Variants in AKAP9 observed in about 807,000 individuals in gnomAD.
AKAP9 encodes A-kinase anchoring protein 9.
AKAP9 carries 311 observed loss-of-function variants against 488.5 expected under a neutral mutation model. The observed-to-expected ratio is 0.64, with a 90% CI of 0.58 to 0.70. The LOEUF (loss-of-function observed/expected upper bound fraction) is 0.70, where lower values mean the gene tolerates loss of function less well. Among genes scored for constraint, AKAP9 ranks in the 30% least tolerant of loss-of-function variants. The probability of loss-of-function intolerance (pLI) is 0.00; values close to 1 mark genes in which losing one functional copy is unlikely to be tolerated. For synonymous variants in AKAP9, 1,462 were observed against 1,483.5 expected (o/e 0.99, Z 0.33); for missense variants, 4,215 against 4,374.5 (o/e 0.96, Z 1.03).
chr7:91,980,967 C>T (rs1427021167), intron 3 of AKAP9, among the ~76,000 whole-genome samples: 2 of 151,968 alleles, frequency 1.3e-5, no homozygotes. Flanking sequence ...CAGTAAGTCT[C>T]AATTTATTGT....
chr7:92,109,694 T>C (rs919054755), intron 49 of AKAP9, among the ~76,000 whole-genome samples: 3 of 152,194 alleles, frequency 2.0e-5, no homozygotes. Flanking sequence ...TCCCAGCACT[T>C]TGGGCGGCCG....
intron 1 of AKAP9, among the ~76,000 whole-genome samples, chr7:91,965,626 G>A (rs980201042): frequency 6.6e-6 from 1 of 152,118 alleles, no homozygotes; most frequent in African/African-American, 2.4e-5. Context: ...TCCATAGTGT[G>A]TGCTGATTTA....
At position 92,001,901 on chromosome 7, in the gene AKAP9, C is replaced by T. The variant is rs749315335; in HGVS notation, c.1984C>T (p.His662Tyr). The T allele has an allele frequency of 1.7e-5, 27 of 1,612,008 alleles. No individual in the cohort carries two copies. The highest frequency in any genetic ancestry group is 2.3e-5 in the Non-Finnish European group (27 of 1,178,690). ...IEKLKDNLGI[H>Y]YKQQIDGLQN... The stretch of plus-strand genomic sequence containing the variant: ...AAAACTTAAAGATAATTTAGGCATT[C>T]ACTATAAACAGCAGATAGATGGTTT... Residue 662 changes from histidine (H) to tyrosine (Y), a missense_variant, in exon 8 of 50, where the codon CAC (histidine) becomes TAC (tyrosine). By Grantham distance (83) the His-to-Tyr change is moderately conservative. This residue lies in a region of AKAP9 where 2,361 missense variants were observed against 2,430.0 expected (regional missense o/e 0.97). Transcript: ENST00000356239.
intron 39 of AKAP9, among the ~76,000 whole-genome samples, chr7:92,093,807 CAA>C (rs1285883852): frequency 6.6e-6 from 1 of 151,844 alleles, no homozygotes; most frequent in Non-Finnish European, 1.5e-5. Flanking sequence ...CAGTAAAAGA[CAA>C]AAATTTTATT....
intron 5 of AKAP9, among the ~76,000 whole-genome samples, chr7:91,993,763 A>C (rs1798059631): frequency 6.6e-6 from 1 of 152,214 alleles, no homozygotes; most frequent in East Asian, 1.9e-4. Context: ...AATAAGACAG[A>C]TGTTTTTGTA....
intron 7 of AKAP9, among the ~76,000 whole-genome samples, chr7:91,999,885 G>T (rs1798927456): frequency 1.4e-5 from 2 of 142,428 alleles, no homozygotes; most frequent in Non-Finnish European, 3.1e-5. Context: ...TTCATTCAAG[G>T]CACCTTTAAG....
At chr7:92,004,489 T>A (rs1799557709) in intron 8 of AKAP9, among the ~76,000 whole-genome samples, 1 of 152,338 alleles carries the variant, frequency 6.6e-6, no homozygotes, top group African/African-American at 2.4e-5. Context: ...CTCTTTTATT[T>A]CGTTGAGCAG....
At chr7:91,982,885 C>G (rs1171112102) in intron 3 of AKAP9, among the ~76,000 whole-genome samples, 1 of 152,114 alleles carries the variant, frequency 6.6e-6, no homozygotes, top group Non-Finnish European at 1.5e-5. Flanking sequence ...GCCATTCTAA[C>G]TGGTATGAGA....
intron 46 of AKAP9, among the ~76,000 whole-genome samples, chr7:92,105,306 A>T (rs986768874): frequency 1.8e-4 from 28 of 151,982 alleles, no homozygotes; most frequent in African/African-American, 6.8e-4. Flanking sequence ...TTCTCTTCTT[A>T]TCTCATCTGC....
intron 44 of AKAP9, chr7:92,100,166 C>G (rs1157687336): frequency 3.0e-6 from 1 of 328,922 alleles, no homozygotes; most frequent in Non-Finnish European, 5.8e-6. Flanking sequence ...AACCAAGATA[C>G]TTGTATCTCC....
chr7:91,962,442 G>A (rs575343526), intron 1 of AKAP9, among the ~76,000 whole-genome samples: 21 of 152,268 alleles, frequency 1.4e-4, no homozygotes, highest in African/African-American at 4.3e-4. Context: ...AGTTTTTAAT[G>A]TAGTAGAATT....
intron 26 of AKAP9, among the ~76,000 whole-genome samples, chr7:92,069,062 G>A (rs1811250725): frequency 6.6e-6 from 1 of 152,132 alleles, no homozygotes; most frequent in Non-Finnish European, 1.5e-5. Context: ...GGTTAAAGGA[G>A]AAACCAAGAC....
At chr7:92,086,074 A>G (rs1463968731) in intron 36 of AKAP9, among the ~76,000 whole-genome samples, 154 bp from the exon 37 acceptor site, 2 of 152,204 alleles carry the variant, frequency 1.3e-5, no homozygotes, top group Admixed American at 1.3e-4. Context: ...TGAGCAACAG[A>G]GTGAGACTGT....
chr7:92,085,007 A>T, intron 35 of AKAP9, 67 bp downstream of exon 35: 1 of 1,556,138 alleles, frequency 6.4e-7, no homozygotes, highest in South Asian at 1.1e-5. Context: ...ATAGCAGTTC[A>T]TTAGAAGTTA....
At chr7:92,023,545 C>A (rs1802633391) in intron 14 of AKAP9, among the ~76,000 whole-genome samples, 1 of 152,152 alleles carries the variant, frequency 6.6e-6, no homozygotes, top group Non-Finnish European at 1.5e-5. Flanking sequence ...ATTTTCTCCA[C>A]CTTCAAAAAT....
chr7:92,086,620 A>G (rs575295858), intron 37 of AKAP9, among the ~76,000 whole-genome samples: 3 of 152,326 alleles, frequency 2.0e-5, no homozygotes, highest in Admixed American at 1.3e-4. Context: ...CTAACCTAGG[A>G]AATTAGAAAA....
At chr7:91,977,096 A>G (rs187832225) in intron 2 of AKAP9, among the ~76,000 whole-genome samples, 14 of 152,024 alleles carry the variant, frequency 9.2e-5, no homozygotes, top group South Asian at 8.3e-4. Flanking sequence ...CTGTCTTTAC[A>G]AAAAGTAAAA....
At chr7:92,093,899 G>A (rs1224029031) in intron 39 of AKAP9, among the ~76,000 whole-genome samples, 1 of 151,826 alleles carries the variant, frequency 6.6e-6, no homozygotes, top group African/African-American at 2.4e-5. Flanking sequence ...CGCCCAGACT[G>A]GAGTGCAATG....
At chr7:91,975,802 C>A (rs1245277506) in intron 2 of AKAP9, among the ~76,000 whole-genome samples, 1 of 151,484 alleles carries the variant, frequency 6.6e-6, no homozygotes, top group African/African-American at 2.4e-5. Flanking sequence ...TATCCTTTAT[C>A]AGATTGAGGA....
Sources: gnomAD v4.1 joint callset for allele counts (sites outside exome capture counted in the v4.1 genomes callset) on GRCh38, gnomAD v4.1.1 for gene constraint, gnomAD v4.1.1 regional missense constraint, MANE v1.5 for transcripts, NCBI Gene and HGNC (gene_info 2026-07-23, HGNC 2026-07-21) for gene names.